Variants in LDLRAD4 observed in about 807,000 individuals in gnomAD.
LDLRAD4 encodes low density lipoprotein receptor class A domain containing 4.
A neutral mutation model predicts 17.0 loss-of-function variants in LDLRAD4; 5 were observed. The observed-to-expected ratio is 0.29, with a 90% confidence interval of 0.15 to 0.62. LDLRAD4 has a LOEUF of 0.62. LDLRAD4 is among the 20% of genes least tolerant of loss of function. The probability of loss-of-function intolerance (pLI) is 0.84; values close to 1 mark genes in which losing one functional copy is unlikely to be tolerated. For synonymous variants in LDLRAD4, 168 were observed against 171.8 expected (o/e 0.98, Z 0.17); for missense variants, 340 against 424.7 (o/e 0.80, Z 1.75).
In LDLRAD4 at chr18:13,299,859, A is replaced by C. The variant is rs115256046; in HGVS notation, c.-383+21671A>C. Reference sequence around the variant, plus strand: ...CCCTGTCTCTTAAAAAAAAAAGGTAAATTTCAGGAAGCAGATTTGTGACTT... The same window carrying C: ...CCCTGTCTCTTAAAAAAAAAAGGTACATTTCAGGAAGCAGATTTGTGACTT... On this transcript the variant is annotated intron_variant, in intron 1 of 5. Transcript: ENST00000359446. 7.5e-3 allele frequency among the ~76,000 whole-genome samples: 1,133 copies of C among 152,014 alleles called. 10 individuals carry two copies. Among genetic ancestry groups the C allele is most frequent in the African/African-American group, 0.026 (1,081 of 41,434 alleles).
chr18:13,423,057 G>C (rs2089629795), intron 2 of LDLRAD4, among the ~76,000 whole-genome samples: 1 of 152,218 alleles, frequency 6.6e-6, no homozygotes, highest in Admixed American at 6.5e-5. Context: ...ATGAATGCCT[G>C]CCACACCACT....
chr18:13,231,321 G>A (rs566346060), intron 1 of LDLRAD4, among the ~76,000 whole-genome samples: 10 of 152,284 alleles, frequency 6.6e-5, no homozygotes, highest in African/African-American at 1.9e-4. Flanking sequence ...CAGGCCAGAG[G>A]CTTTTGGGAG....
At chr18:13,380,775 C>T (rs1481708884) in intron 1 of LDLRAD4, among the ~76,000 whole-genome samples, 3 of 152,154 alleles carry the variant, frequency 2.0e-5, no homozygotes, top group African/African-American at 4.8e-5. Flanking sequence ...GTACTTGCTT[C>T]CTGAATTGGT....
chr18:13,293,855 C>G (rs919598699), intron 1 of LDLRAD4, among the ~76,000 whole-genome samples: 4 of 152,184 alleles, frequency 2.6e-5, no homozygotes, highest in African/African-American at 7.2e-5. Flanking sequence ...GGCTTTCCCC[C>G]CTTGCTTTAG....
Position 13,555,130 on chromosome 18 carries a change from T to C in LDLRAD4, c.182-65987T>C, listed in dbSNP as rs536181923. 9.8e-5 allele frequency among the ~76,000 whole-genome samples: 15 copies of C among 152,322 alleles called. No homozygotes were observed. In the East Asian group the frequency reaches 2.9e-3, roughly 29 times the overall value. On this transcript the variant is annotated intron_variant, in intron 3 of 5. Transcript: ENST00000359446. ...TCATCAAAAACAGAGTCAAAGACAC[T>C]GTCACAGCCAAGAGGAGCCTAAGGA... is the stretch of plus-strand genomic sequence containing the variant.
intron 1 of LDLRAD4, among the ~76,000 whole-genome samples, chr18:13,375,655 G>T (rs1443363143): frequency 6.6e-6 from 1 of 152,208 alleles, no homozygotes; most frequent in Non-Finnish European, 1.5e-5. Context: ...GCAGGCCCTG[G>T]CCTGAGTGAA....
At chr18:13,293,038 C>T (rs2046058587) in intron 1 of LDLRAD4, among the ~76,000 whole-genome samples, 1 of 152,236 alleles carries the variant, frequency 6.6e-6, no homozygotes, top group Non-Finnish European at 1.5e-5. Context: ...ATGCTGTGAA[C>T]CTTCACTGCT....
At chr18:13,557,032 C>T (rs576100708) in intron 3 of LDLRAD4, among the ~76,000 whole-genome samples, 35 of 152,292 alleles carry the variant, frequency 2.3e-4, no homozygotes, top group Non-Finnish European at 3.4e-4. Context: ...CAGTGGCACA[C>T]ACCTGTAATC....
intron 3 of LDLRAD4, among the ~76,000 whole-genome samples, chr18:13,620,155 C>T (rs1050859715): frequency 3.9e-5 from 6 of 152,164 alleles, no homozygotes; most frequent in Non-Finnish European, 7.4e-5. Context: ...CACGTATGAG[C>T]GGATACACTT....
intron 1 of LDLRAD4, among the ~76,000 whole-genome samples, chr18:13,317,809 A>T (rs2081009190): frequency 6.6e-6 from 1 of 152,158 alleles, no homozygotes; most frequent in African/African-American, 2.4e-5. Context: ...GGGTGATTTT[A>T]TCTTCTCTGT....
At chr18:13,550,528 T>C (rs2094421216) in intron 3 of LDLRAD4, among the ~76,000 whole-genome samples, 1 of 152,124 alleles carries the variant, frequency 6.6e-6, no homozygotes, top group African/African-American at 2.4e-5. Context: ...CATAAACACA[T>C]GCTGTGAGAA....
chr18:13,351,219 G>A (rs953386057), intron 1 of LDLRAD4, among the ~76,000 whole-genome samples: 2 of 152,122 alleles, frequency 1.3e-5, no homozygotes, highest in Non-Finnish European at 2.9e-5. Flanking sequence ...ATTACTTTGG[G>A]CAGTGTGGCC....
intron 1 of LDLRAD4, among the ~76,000 whole-genome samples, chr18:13,340,788 C>G (rs2082333466): frequency 6.6e-6 from 1 of 152,034 alleles, no homozygotes; most frequent in Non-Finnish European, 1.5e-5. Flanking sequence ...AGTGTCATAT[C>G]AAAGAAATTG....
At chr18:13,345,144 A>ATC (rs2082608571) in intron 1 of LDLRAD4, among the ~76,000 whole-genome samples, 1 of 152,178 alleles carries the variant, frequency 6.6e-6, no homozygotes, top group East Asian at 1.9e-4. Flanking sequence ...GAGAGAGGGT[A>ATC]TCCCTCTCTT....
intron 4 of LDLRAD4, chr18:13,641,820 CT>C: frequency 2.0e-6 from 2 of 985,646 alleles, no homozygotes; most frequent in African/African-American, 3.5e-5. Flanking sequence ...GCCGGGTTTG[CT>C]GGTTTTTCGG....
intron 1 of LDLRAD4, among the ~76,000 whole-genome samples, chr18:13,264,254 C>T (rs978992847): frequency 2.6e-5 from 4 of 152,312 alleles, no homozygotes; most frequent in South Asian, 4.1e-4. Flanking sequence ...CCCTGCCAGG[C>T]GGCTGCTTTA....
Position 13,473,678 on chromosome 18 carries a change from T to TATATATATATATATATAA in LDLRAD4, c.181+35295_181+35296insTATATATATATATATAAA, listed in dbSNP as rs374731826. ...ATATATATATATATATATATATATA[T>TATATATATATATATATAA]AACGTTTACATTTTATATATATTTA... On this transcript the variant is annotated intron_variant, in intron 3 of 5. Transcript: ENST00000359446. Among the ~76,000 whole-genome samples, 48 of 79,946 alleles carry TATATATATATATATATAA rather than the reference T, an allele frequency of 6.0e-4. 8 individuals are homozygous for TATATATATATATATATAA. The highest frequency in any genetic ancestry group is 1.7e-3 in the South Asian group (4 of 2,380). The allele number at this position is 79,946 out of a possible 152,430, so 52.4% of individuals were successfully genotyped here. A position where few individuals can be genotyped will look rare whatever the true frequency, so the allele number is the denominator to read the frequency against.
At chr18:13,231,607 T>C (rs1773616773) in intron 1 of LDLRAD4, among the ~76,000 whole-genome samples, 1 of 152,268 alleles carries the variant, frequency 6.6e-6, no homozygotes, top group Admixed American at 6.5e-5. Context: ...AGTTGATATT[T>C]GTTTACATTT....
intron 3 of LDLRAD4, among the ~76,000 whole-genome samples, chr18:13,540,883 T>A (rs1294514007): frequency 6.6e-6 from 1 of 152,196 alleles, no homozygotes; most frequent in Non-Finnish European, 1.5e-5. Flanking sequence ...GCTGGGCAAC[T>A]TGCCTGCTTG....
Sources: gnomAD v4.1 joint callset for allele counts (sites outside exome capture counted in the v4.1 genomes callset) on GRCh38, gnomAD v4.1.1 for gene constraint, MANE v1.5 for transcripts, NCBI Gene and HGNC (gene_info 2026-07-23, HGNC 2026-07-21) for gene names.